Variants in DOCK2 observed in about 807,000 individuals in gnomAD.
DOCK2 encodes the protein dedicator of cytokinesis protein 2.
Under a neutral mutation model 248.9 loss-of-function variants are expected in DOCK2, and 87 were observed. The observed-to-expected ratio is 0.35, with a 90% CI of 0.29 to 0.42. The LOEUF (loss-of-function observed/expected upper bound fraction) is 0.42, where lower values mean the gene tolerates loss of function less well. Among genes scored for constraint, DOCK2 ranks in the 10% least tolerant of loss-of-function variants. The pLI is 1.00. For missense variants in DOCK2, 1,747 were observed against 2,300.2 expected, an observed-to-expected ratio of 0.76 and a Z score of 4.92; for synonymous variants, 805 against 821.6, an observed-to-expected ratio of 0.98 and a Z score of 0.35.
At chr5:170,043,660 A>C (rs1224499241) in intron 38 of DOCK2, among the ~76,000 whole-genome samples, 1 of 152,162 alleles carries the variant, frequency 6.6e-6, no homozygotes, top group Non-Finnish European at 1.5e-5. Flanking sequence ...CTGTTTTCAT[A>C]ATTTACAATT....
chr5:169,875,538 TGTGGCC>T, intron 27 of DOCK2: 1 of 262,386 alleles, frequency 3.8e-6, no homozygotes, highest in Non-Finnish European at 7.7e-6. Flanking sequence ...TGTGTTCTGC[TGTGGCC>T]GTTGCAATTA....
In DOCK2 at chr5:169,983,095, A is replaced by G. The variant is rs1455373633; in HGVS notation, c.2827A>G (p.Ile943Val). ...TCACTTTGTGGCATGTATGACAGCC[A>G]TCTTAAACCAGATGGGTGACCAGCA... ...ISHFVACMTA[I>V]LNQMGDQHYS... The change falls in exon 28 of 52, where the codon ATC becomes GTC. Residue 943 changes from isoleucine (I) to valine (V), a missense_variant. Physicochemically the swap from Ile to Val is conservative, Grantham distance 29. Around this residue, in one of 4 missense-constraint regions of DOCK2, gnomAD observed 858 missense variants for 1,183.5 expected, o/e 0.72. Coordinates refer to ENST00000520908, the MANE Select transcript of DOCK2 (RefSeq NM_004946.3). 6.2e-7 allele frequency: 1 copy of G among 1,614,090 alleles called. No homozygotes were observed. Among genetic ancestry groups the G allele is most frequent in the African/African-American group, 1.3e-5 (1 of 75,054 alleles).
chr5:169,735,220 T>C (rs1762976000), intron 22 of DOCK2, among the ~76,000 whole-genome samples: 1 of 152,182 alleles, frequency 6.6e-6, no homozygotes, highest in South Asian at 2.1e-4. Flanking sequence ...TAATGTGGCC[T>C]GCAAGGGTCT....
intron 29 of DOCK2, among the ~76,000 whole-genome samples, chr5:169,986,410 A>T (rs1313665588): frequency 6.6e-6 from 1 of 152,162 alleles, no homozygotes; most frequent in Non-Finnish European, 1.5e-5. Context: ...CCATTTGCAC[A>T]TAGGATGTGC....
chr5:170,034,288 G>T (rs1756243970), intron 34 of DOCK2, 111 bp from the exon 35 acceptor site: 1 of 1,346,446 alleles, frequency 7.4e-7, no homozygotes, highest in South Asian at 1.4e-5. Flanking sequence ...AGCAGTCAGG[G>T]AACTTGGGTT....
intron 9 of DOCK2, among the ~76,000 whole-genome samples, chr5:169,690,767 G>A (rs1760252801): frequency 6.6e-6 from 1 of 152,162 alleles, no homozygotes; most frequent in Admixed American, 6.5e-5. Flanking sequence ...TAAACATGGG[G>A]GAAAGAGCAT....
intron 8 of DOCK2, among the ~76,000 whole-genome samples, chr5:169,686,297 C>T (rs145763177): frequency 2.5e-4 from 38 of 152,202 alleles, no homozygotes; most frequent in African/African-American, 5.8e-4. Flanking sequence ...GGAGTGTGGT[C>T]GGCTGGCCCC....
intron 27 of DOCK2, among the ~76,000 whole-genome samples, chr5:169,915,958 C>T (rs544485132): frequency 6.6e-6 from 1 of 152,228 alleles, no homozygotes; most frequent in Admixed American, 6.5e-5. Context: ...ATGCTGAATT[C>T]TGTAAGATGA....
chr5:170,032,526 A>G (rs988500307), intron 34 of DOCK2, among the ~76,000 whole-genome samples: 1 of 152,168 alleles, frequency 6.6e-6, no homozygotes, highest in Admixed American at 6.5e-5. Flanking sequence ...AGACCCCGAG[A>G]TGTCTCCTGC....
intron 10 of DOCK2, among the ~76,000 whole-genome samples, chr5:169,696,605 G>GA (rs1760645414): frequency 6.6e-6 from 1 of 152,244 alleles, no homozygotes; most frequent in African/African-American, 2.4e-5. Flanking sequence ...AAATTCCTGT[G>GA]AAAATGGCAA....
chr5:169,732,619 C>T (rs1035861974), intron 22 of DOCK2, among the ~76,000 whole-genome samples: 3 of 152,178 alleles, frequency 2.0e-5, no homozygotes, highest in South Asian at 2.1e-4. Context: ...ATTCTTGACA[C>T]CTCATTCTGT....
chr5:169,734,768 G>A (rs1017673651), intron 22 of DOCK2, among the ~76,000 whole-genome samples: 4 of 152,070 alleles, frequency 2.6e-5, no homozygotes, highest in Non-Finnish European at 5.9e-5. Flanking sequence ...CCTCTATTTT[G>A]AAGAAGATGC....
intron 23 of DOCK2, among the ~76,000 whole-genome samples, chr5:169,753,360 C>T (rs1006653042): frequency 2.6e-5 from 4 of 151,708 alleles, no homozygotes; most frequent in Admixed American, 2.6e-4. Flanking sequence ...GCCCTCACCC[C>T]CCCCCACCCC....
chr5:169,885,427 G>C (rs1772917124), intron 27 of DOCK2, among the ~76,000 whole-genome samples: 1 of 152,164 alleles, frequency 6.6e-6, no homozygotes, highest in Non-Finnish European at 1.5e-5. Context: ...GAGGAGTGAA[G>C]GTCCTAGGGT....
At chr5:169,890,150 G>T (rs1309907461) in intron 27 of DOCK2, among the ~76,000 whole-genome samples, 1 of 152,212 alleles carries the variant, frequency 6.6e-6, no homozygotes, top group Non-Finnish European at 1.5e-5. Flanking sequence ...CAGCCTCGGG[G>T]CTCTGGTGGA....
rs191663512 is a variant in DOCK2, at chr5:169,866,097, G to A, written c.2799+25245G>A. Among the ~76,000 whole-genome samples, 933 of 145,356 alleles carry A rather than the reference G, an allele frequency of 6.4e-3. 5 individuals are homozygous for A. The highest frequency in any genetic ancestry group is 9.8e-3 in the Non-Finnish European group (634 of 64,502). ...TGCAGGGCTGAAGAGTCAGAGGGGC[G>A]AGGGGGCCTGTTTTATAGCAAGACT... On this transcript the variant is annotated intron_variant, in intron 27 of 51. Coordinates refer to ENST00000520908, the MANE Select transcript of DOCK2 (RefSeq NM_004946.3).
intron 22 of DOCK2, among the ~76,000 whole-genome samples, chr5:169,727,879 G>A (rs146487388): frequency 1.1e-4 from 17 of 152,276 alleles, no homozygotes; most frequent in African/African-American, 4.1e-4. Flanking sequence ...AACATGATTA[G>A]ATTCATCTTT....
intron 27 of DOCK2, among the ~76,000 whole-genome samples, chr5:169,849,167 T>A (rs2113365994): frequency 6.6e-6 from 1 of 152,344 alleles, no homozygotes; most frequent in Non-Finnish European, 1.5e-5. Flanking sequence ...TGAAAAGTAA[T>A]ATTTATAATA....
chr5:169,843,534 TAAAC>T (rs1770116645), intron 27 of DOCK2, among the ~76,000 whole-genome samples: 3 of 152,300 alleles, frequency 2.0e-5, no homozygotes, highest in African/African-American at 7.2e-5. Context: ...AATAAACAAA[TAAAC>T]AAATAAATAA....
Sources: allele counts gnomAD v4.1 joint callset (sites outside exome capture counted in the v4.1 genomes callset), GRCh38; gene constraint gnomAD v4.1.1; regional missense constraint gnomAD v4.1.1; transcripts MANE v1.5; gene names NCBI Gene and HGNC (gene_info 2026-07-23, HGNC 2026-07-21).